Variants in TBL1X observed in about 807,000 individuals in gnomAD.
The protein encoded by TBL1X is F-box-like/WD repeat-containing protein TBL1X.
Under a neutral mutation model 50.7 loss-of-function variants are expected in TBL1X, and 10 were observed. The ratio of observed to expected loss-of-function variants is 0.20; its 90% CI spans 0.12 to 0.33. TBL1X has a LOEUF of 0.33. Among genes scored for constraint, TBL1X ranks in the 10% least tolerant of loss-of-function variants. The probability of loss-of-function intolerance (pLI) is 1.00; values close to 1 mark genes in which losing one functional copy is unlikely to be tolerated. For synonymous variants in TBL1X, 190 were observed against 214.7 expected, an observed-to-expected ratio of 0.88 and a Z score of 1.01; for missense variants, 340 against 504.4, an observed-to-expected ratio of 0.67 and a Z score of 3.12.
chrX:9,705,185 T>G (rs932150846), intron 13 of TBL1X, 71 bp downstream of exon 13: 19 of 1,194,841 alleles, frequency 1.6e-5, no homozygotes, highest in African/African-American at 3.5e-5. Flanking sequence ...CTTGTGTGCC[T>G]AGAATTAAAA....
At chrX:9,463,684 G>A (rs1012931388), upstream of TBL1X, among the ~76,000 whole-genome samples, 5 of 112,046 alleles carry the variant, frequency 4.5e-5, no homozygotes, top group African/African-American at 1.3e-4. Flanking sequence ...CTGAGGTCAG[G>A]AGTTCAGACC....
At chrX:9,662,720 G>A (rs759558821) in intron 5 of TBL1X, among the ~76,000 whole-genome samples, 1 of 112,453 alleles carries the variant, frequency 8.9e-6, no homozygotes, top group Admixed American at 9.4e-5. Flanking sequence ...TGGAGGCCAA[G>A]GTGGGAGGAT....
chrX:9,566,770 C>T (rs1405126907), intron 2 of TBL1X, among the ~76,000 whole-genome samples: 4 of 112,017 alleles, frequency 3.6e-5, no homozygotes, highest in African/African-American at 1.3e-4. Flanking sequence ...CTCTCTGCTT[C>T]CCTCCACAAT....
chrX:9,659,076 G>A (rs372875048), intron 5 of TBL1X, among the ~76,000 whole-genome samples: 1 of 93,161 alleles, frequency 1.1e-5, no homozygotes, highest in Non-Finnish European at 2.2e-5. Context: ...CCTCCCCCCC[G>A]GCCTCATAAA....
Position 9,535,861 on chromosome X carries a change from A to G in TBL1X, c.-131+34012A>G, listed in dbSNP as rs553393390. ...TGACATTTAACAAATCCTTCAATAG[A>G]TAGTGCTGGTATGAGGATTGGTGAA... On this transcript the variant is annotated intron_variant, in intron 2 of 17. Coordinates refer to ENST00000645353, the MANE Select transcript of TBL1X (RefSeq NM_005647.4). Among the ~76,000 whole-genome samples the G allele has an allele frequency of 5.4e-5, 6 of 112,085 alleles. No individual in the cohort carries two copies. The South Asian group carries it at 2.2e-3, about 41-fold the overall frequency.
At chrX:9,610,276 T>C (rs769655121) in intron 2 of TBL1X, among the ~76,000 whole-genome samples, 3 of 112,649 alleles carry the variant, frequency 2.7e-5, no homozygotes, top group East Asian at 5.6e-4. Context: ...CCTGGTGTGC[T>C]GATCAAAAGA....
chrX:9,545,000 CTTTTTTTTTT>C (rs34726098), intron 2 of TBL1X, among the ~76,000 whole-genome samples: 4 of 71,759 alleles, frequency 5.6e-5, no homozygotes, highest in African/African-American at 1.1e-4. Flanking sequence ...TTTCCCCCCA[CTTTTTTTTTT>C]TTTTTTTTTT....
intron 1 of TBL1X, among the ~76,000 whole-genome samples, chrX:9,477,738 A>G (rs913903258): frequency 9.0e-6 from 1 of 111,617 alleles, no homozygotes; most frequent in African/African-American, 3.3e-5. Flanking sequence ...ATTTTTGGTA[A>G]ATTTACTGGG....
chrX:9,713,699 A>G (rs1202345100), intron 16 of TBL1X, among the ~76,000 whole-genome samples: 4 of 111,319 alleles, frequency 3.6e-5, no homozygotes, highest in African/African-American at 1.3e-4. Flanking sequence ...AAGTGCTGGG[A>G]TTACAGGCAT....
intron 6 of TBL1X, among the ~76,000 whole-genome samples, chrX:9,685,948 A>G (rs956590673): frequency 9.1e-6 from 1 of 109,590 alleles, no homozygotes; most frequent in African/African-American, 3.4e-5. Context: ...GGCTCAAGCG[A>G]TCCTCCCGCG....
At chrX:9,667,760 C>G (rs920102145) in intron 5 of TBL1X, among the ~76,000 whole-genome samples, 3 of 111,684 alleles carry the variant, frequency 2.7e-5, no homozygotes, top group African/African-American at 9.8e-5. Context: ...TTCATTGGGT[C>G]CTGTTGTTTG....
intron 6 of TBL1X, among the ~76,000 whole-genome samples, chrX:9,684,459 G>A (rs1477091339): frequency 3.7e-5 from 4 of 108,854 alleles, no homozygotes; most frequent in Non-Finnish European, 5.7e-5. Context: ...GTGGTGGTAC[G>A]CACCTGTAGC....
chrX:9,700,527 G>A (rs960569684), intron 12 of TBL1X, among the ~76,000 whole-genome samples: 1 of 111,764 alleles, frequency 8.9e-6, no homozygotes, highest in African/African-American at 3.3e-5. Flanking sequence ...CCCAATTCCC[G>A]TCGGCAGGTC....
intron 1 of TBL1X, among the ~76,000 whole-genome samples, chrX:9,477,284 A>G (rs1332968386): frequency 8.9e-6 from 1 of 112,212 alleles, no homozygotes; most frequent in African/African-American, 3.2e-5. Context: ...GTAGTTTGCT[A>G]TCTAAGAGTA....
At chrX:9,634,123 C>T (rs1304383061) in intron 2 of TBL1X, among the ~76,000 whole-genome samples, 2 of 111,711 alleles carry the variant, frequency 1.8e-5, no homozygotes, top group Non-Finnish European at 3.8e-5. Context: ...TTCATCTTTG[C>T]ACTCACGACG....
upstream of TBL1X, among the ~76,000 whole-genome samples, chrX:9,464,284 G>A (rs1269749104): frequency 9.0e-6 from 1 of 111,562 alleles, no homozygotes; most frequent in African/African-American, 3.3e-5. Flanking sequence ...CTGGGGGGTT[G>A]GGGTGGGAGT....
intron 2 of TBL1X, among the ~76,000 whole-genome samples, chrX:9,537,016 T>C (rs2082191641): frequency 8.9e-6 from 1 of 111,977 alleles, no homozygotes; most frequent in Non-Finnish European, 1.9e-5. Flanking sequence ...AAGCAATTAC[T>C]GTAAGGTCAA....
intron 13 of TBL1X, among the ~76,000 whole-genome samples, chrX:9,705,723 T>TAAAA (rs34666783): frequency 8.9e-5 from 7 of 78,214 alleles, no homozygotes; most frequent in African/African-American, 9.6e-5. Flanking sequence ...CTTGTCTCTT[T>TAAAA]AAAAAAAAAA....
chrX:9,667,658 G>A (rs1306286680), intron 5 of TBL1X, among the ~76,000 whole-genome samples: 2 of 111,832 alleles, frequency 1.8e-5, no homozygotes, highest in Non-Finnish European at 3.8e-5. Context: ...GTAATATTAA[G>A]GGATACAAAA....
Sources: allele counts gnomAD v4.1 joint callset (sites outside exome capture counted in the v4.1 genomes callset), GRCh38; gene constraint gnomAD v4.1.1; transcripts MANE v1.5; gene names NCBI Gene and HGNC (gene_info 2026-07-23, HGNC 2026-07-21).